The following CDK14 variants were observed in gnomAD, a reference collection of about 807,000 sequenced individuals.
CDK14 encodes cyclin-dependent kinase 14.
In CDK14, 34 loss-of-function variants were observed where a neutral mutation model predicts 60.7. The observed-to-expected ratio is 0.56, with a 90% CI of 0.43 to 0.75. The LOEUF (loss-of-function observed/expected upper bound fraction) is 0.75, where lower values mean the gene tolerates loss of function less well. Ranked by LOEUF, CDK14 falls within the 30% of genes least tolerant of loss-of-function variation. The probability of loss-of-function intolerance (pLI) is 0.00; values close to 1 mark genes in which losing one functional copy is unlikely to be tolerated. For missense variants in CDK14, 482 were observed against 564.1 expected, an observed-to-expected ratio of 0.85 and a Z score of 1.47; for synonymous variants, 197 against 203.7, an observed-to-expected ratio of 0.97 and a Z score of 0.28.
intron 2 of CDK14, among the ~76,000 whole-genome samples, chr7:90,693,076 C>T (rs546943287): frequency 1.9e-4 from 29 of 152,118 alleles, no homozygotes; most frequent in South Asian, 6.2e-4. Flanking sequence ...GTGTGAAAAG[C>T]CTGGTTTCTT....
chr7:90,829,960 C>T (rs1789861607), intron 5 of CDK14, among the ~76,000 whole-genome samples: 1 of 152,188 alleles, frequency 6.6e-6, no homozygotes, highest in African/African-American at 2.4e-5. Flanking sequence ...CCAGGTAGAG[C>T]CCCCATTGCT....
chr7:90,609,965 T>G (rs907525400), intron 2 of CDK14, among the ~76,000 whole-genome samples: 1 of 152,220 alleles, frequency 6.6e-6, no homozygotes, highest in Non-Finnish European at 1.5e-5. Flanking sequence ...CCTTATTTGG[T>G]TTCTGCAGGA....
chr7:90,856,679 AGAATATTTTAGCTAT>A (rs1189287612), intron 5 of CDK14, among the ~76,000 whole-genome samples: 2 of 152,226 alleles, frequency 1.3e-5, no homozygotes, highest in African/African-American at 4.8e-5. Context: ...ATTTCCCCTC[AGAATATTTTAGCTAT>A]GAAAATATTC....
intron 4 of CDK14, among the ~76,000 whole-genome samples, chr7:90,781,384 G>A (rs1805312473): frequency 6.6e-6 from 1 of 151,906 alleles, no homozygotes. Context: ...CACTCTGATG[G>A]TAGTTTCTTT....
At chr7:90,768,495 A>G (rs1350741305) in intron 4 of CDK14, among the ~76,000 whole-genome samples, 1 of 152,218 alleles carries the variant, frequency 6.6e-6, no homozygotes, top group African/African-American at 2.4e-5. Context: ...TACGTATGTC[A>G]TTGGTAACAG....
intron 8 of CDK14, among the ~76,000 whole-genome samples, chr7:90,950,637 A>G (rs1405413447): frequency 1.3e-5 from 2 of 152,230 alleles, no homozygotes; most frequent in Non-Finnish European, 2.9e-5. Context: ...TGGAGACGCT[A>G]GAGGATGTAG....
intron 2 of CDK14, among the ~76,000 whole-genome samples, chr7:90,629,816 C>T (rs935255246): frequency 1.3e-5 from 2 of 152,068 alleles, no homozygotes; most frequent in African/African-American, 2.4e-5. Flanking sequence ...CACTTGAGGC[C>T]GGGAGTTGGA....
At chr7:90,867,635 G>A (rs184917334) in intron 6 of CDK14, among the ~76,000 whole-genome samples, 2 of 152,218 alleles carry the variant, frequency 1.3e-5, no homozygotes, top group East Asian at 1.9e-4. Context: ...GGGGAAAATA[G>A]GGAGTTGTTC....
At chr7:90,843,505 G>A (rs1247602754) in intron 5 of CDK14, among the ~76,000 whole-genome samples, 2 of 152,094 alleles carry the variant, frequency 1.3e-5, no homozygotes, top group African/African-American at 4.8e-5. Context: ...AGATTTTAAG[G>A]ATTAATGCTT....
At chr7:91,029,510 T>C (rs1251596832) in intron 10 of CDK14, among the ~76,000 whole-genome samples, 1 of 151,856 alleles carries the variant, frequency 6.6e-6, no homozygotes, top group Non-Finnish European at 1.5e-5. Context: ...CGGTGTTTTA[T>C]AGTTCTCCCT....
At chr7:91,094,362 C>T (rs1432237448) in intron 12 of CDK14, among the ~76,000 whole-genome samples, 1 of 152,018 alleles carries the variant, frequency 6.6e-6, no homozygotes, top group East Asian at 1.9e-4. Flanking sequence ...TCCTAAGGGA[C>T]TCTTTTAAGT....
At chr7:90,966,925 C>T (rs1794769066) in intron 9 of CDK14, among the ~76,000 whole-genome samples, 1 of 152,062 alleles carries the variant, frequency 6.6e-6, no homozygotes, top group Non-Finnish European at 1.5e-5. Context: ...CTCTCAAGTA[C>T]TTGTGCCTTC....
chr7:91,160,270 G>T (rs1801127732), intron 14 of CDK14, among the ~76,000 whole-genome samples: 2 of 152,140 alleles, frequency 1.3e-5, no homozygotes, highest in Non-Finnish European at 2.9e-5. Context: ...AAATTGCACT[G>T]GAAGCATCTA....
chr7:91,199,359 G>C (rs1291411088), intron 14 of CDK14, among the ~76,000 whole-genome samples: 1 of 151,702 alleles, frequency 6.6e-6, no homozygotes, highest in Non-Finnish European at 1.5e-5. Flanking sequence ...AACATGCCTT[G>C]GTGTATCTAA....
intron 1 of CDK14, chr7:90,597,240 T>C (rs1799213361): frequency 1.3e-5 from 2 of 152,918 alleles, no homozygotes; most frequent in Admixed American, 6.5e-5. Flanking sequence ...GAAAGCGAGA[T>C]TTGGGTGTTC....
intron 10 of CDK14, among the ~76,000 whole-genome samples, chr7:91,023,581 T>C (rs550248257): frequency 6.6e-6 from 1 of 152,198 alleles, no homozygotes; most frequent in Non-Finnish European, 1.5e-5. Context: ...AGGAGTTCAA[T>C]TATAGGGAAT....
At chr7:90,972,358 C>A (rs1794955806) in intron 9 of CDK14, among the ~76,000 whole-genome samples, 1 of 152,146 alleles carries the variant, frequency 6.6e-6, no homozygotes, top group Non-Finnish European at 1.5e-5. Context: ...TTTCACTTTT[C>A]AAATACTGCA....
In CDK14 at chr7:91,175,237, G is replaced by C. The variant is rs138151267; in HGVS notation, c.*29-31928G>C. On this transcript the variant is annotated intron_variant, in intron 14 of 14. Transcript: ENST00000380050. ...TCATAAGTGAAGGAGAAATAAAATA[G>C]TTTACAGACAAGCAAATGCTGAGAG... Among the ~76,000 whole-genome samples the C allele has an allele frequency of 1.3e-3, 195 of 152,076 alleles. 2 individuals are homozygous for C. The East Asian group carries it at 0.02, about 15-fold the overall frequency.
chr7:91,117,699 T>C (rs547317005), intron 13 of CDK14, among the ~76,000 whole-genome samples: 1 of 152,318 alleles, frequency 6.6e-6, no homozygotes, highest in East Asian at 1.9e-4. Flanking sequence ...TCTGATTTAT[T>C]TAGTACAGGA....
Sources: gnomAD v4.1 joint callset for allele counts (sites outside exome capture counted in the v4.1 genomes callset) on GRCh38, gnomAD v4.1.1 for gene constraint, MANE v1.5 for transcripts, NCBI Gene and HGNC (gene_info 2026-07-23, HGNC 2026-07-21) for gene names.